The following ATP8A1 variants were observed in gnomAD, a reference collection of about 807,000 sequenced individuals.
The protein encoded by ATP8A1 is ATPase phospholipid transporting 8A1.
In ATP8A1, 90 loss-of-function variants were observed where a neutral mutation model predicts 177.7. The observed-to-expected ratio is 0.51, with a 90% CI of 0.43 to 0.60. The LOEUF (loss-of-function observed/expected upper bound fraction) is 0.60, where lower values mean the gene tolerates loss of function less well. Ranked by LOEUF, ATP8A1 falls within the 20% of genes least tolerant of loss-of-function variation. The probability of loss-of-function intolerance (pLI) is 0.00; values close to 1 mark genes in which losing one functional copy is unlikely to be tolerated. For synonymous variants in ATP8A1, 493 were observed against 485.9 expected (o/e 1.01, Z -0.19); for missense variants, 1,072 against 1,392.8 (o/e 0.77, Z 3.67).
At chr4:42,527,733 A>T (rs948073435) in intron 20 of ATP8A1, among the ~76,000 whole-genome samples, 2 of 151,928 alleles carry the variant, frequency 1.3e-5, no homozygotes, top group African/African-American at 4.9e-5. Context: ...AATTTATATA[A>T]GCAGAAAACT....
At chr4:42,631,212 A>T (rs1334448469) in intron 1 of ATP8A1, among the ~76,000 whole-genome samples, 1 of 152,190 alleles carries the variant, frequency 6.6e-6, no homozygotes, top group Non-Finnish European at 1.5e-5. Flanking sequence ...GTTACCTATT[A>T]TACCTCTGGT....
intron 6 of ATP8A1, among the ~76,000 whole-genome samples, chr4:42,593,808 A>G (rs1391497041): frequency 1.3e-5 from 2 of 152,066 alleles, no homozygotes; most frequent in Non-Finnish European, 2.9e-5. Flanking sequence ...TAAAAGAAAG[A>G]GCAAAGTACT....
At chr4:42,601,389 G>A (rs148965860) in intron 5 of ATP8A1, among the ~76,000 whole-genome samples, 1,176 of 102,576 alleles carry the variant, frequency 0.011, 18 homozygotes, top group African/African-American at 0.03. Context: ...AAAAAAGGCA[G>A]AAGAAGAGGC....
intron 20 of ATP8A1, among the ~76,000 whole-genome samples, chr4:42,542,610 C>A (rs116564275): frequency 9.3e-4 from 141 of 152,056 alleles, no homozygotes; most frequent in Non-Finnish European, 1.5e-3. Context: ...CACCCTGCAA[C>A]GGTGTGTAAT....
At chr4:42,466,031 C>CAAAAAAAAAA (rs57949092) in intron 25 of ATP8A1, among the ~76,000 whole-genome samples, 7 of 108,104 alleles carry the variant, frequency 6.5e-5, no homozygotes, top group African/African-American at 1.2e-4. Flanking sequence ...GACTCCGTCT[C>CAAAAAAAAAA]AAAAAAAAAA....
intron 17 of ATP8A1, 34 bp from the exon 18 acceptor site, chr4:42,551,314 G>T: frequency 6.9e-7 from 1 of 1,453,580 alleles, no homozygotes; most frequent in Non-Finnish European, 9.6e-7. Flanking sequence ...GCAAACACAT[G>T]ATTGAAAAAA....
intron 24 of ATP8A1, among the ~76,000 whole-genome samples, chr4:42,495,933 G>T (rs1279789415): frequency 2.0e-5 from 3 of 152,162 alleles, no homozygotes; most frequent in Admixed American, 2.0e-4. Flanking sequence ...CAGGACGGGG[G>T]TAGATATGGA....
chr4:42,463,472 C>G (rs1425883489), intron 27 of ATP8A1, among the ~76,000 whole-genome samples: 1 of 152,206 alleles, frequency 6.6e-6, no homozygotes, highest in Non-Finnish European at 1.5e-5. Context: ...CCATGTGGAA[C>G]TGTAAGTCCA....
intron 5 of ATP8A1, among the ~76,000 whole-genome samples, chr4:42,611,986 T>C (rs11930785): frequency 0.23 from 34,240 of 151,992 alleles, 4,340 homozygotes; most frequent in Non-Finnish European, 0.29. Context: ...ACAAGGAAAA[T>C]GAGCGCATTC....
chr4:42,525,673 T>C (rs1185569116), intron 20 of ATP8A1, among the ~76,000 whole-genome samples: 1 of 152,262 alleles, frequency 6.6e-6, no homozygotes. Flanking sequence ...AGCTTTGGTT[T>C]AGTGCTTTAA....
chr4:42,612,418 A>G (rs1224793515), intron 5 of ATP8A1, among the ~76,000 whole-genome samples: 1 of 145,624 alleles, frequency 6.9e-6, no homozygotes, highest in Non-Finnish European at 1.5e-5. Flanking sequence ...TAGTGTTCCT[A>G]TCTAGTATGC....
intron 25 of ATP8A1, among the ~76,000 whole-genome samples, chr4:42,466,381 G>A (rs950549263): frequency 1.3e-5 from 2 of 152,104 alleles, no homozygotes; most frequent in African/African-American, 2.4e-5. Flanking sequence ...ATACAACTTT[G>A]TCCATTTTCC....
At chr4:42,451,291 T>C (rs1717903902) in intron 30 of ATP8A1, among the ~76,000 whole-genome samples, 1 of 152,186 alleles carries the variant, frequency 6.6e-6, no homozygotes, top group Non-Finnish European at 1.5e-5. Context: ...GTACTATGTG[T>C]TGTGTTTTTG....
At position 42,567,992 on chromosome 4, in the gene ATP8A1, A is replaced by G. The variant is rs1731525576; in HGVS notation, c.1340+1169T>C. ...AATAGAATTATGTTAATGTTATAGAAAAGCAGATATAGTCGAAATTTTAAC... is the reference window on the plus strand; with the variant it reads ...AATAGAATTATGTTAATGTTATAGAGAAGCAGATATAGTCGAAATTTTAAC... On this transcript the variant is annotated intron_variant, in intron 15 of 36. Coordinates refer to ENST00000381668, the MANE Select transcript of ATP8A1 (RefSeq NM_006095.2). 2.6e-5 allele frequency among the ~76,000 whole-genome samples: 4 copies of G among 152,362 alleles called. No homozygotes were observed. In the South Asian group the frequency reaches 8.3e-4, roughly 32 times the overall value.
chr4:42,646,385 G>A (rs989607763), intron 1 of ATP8A1, among the ~76,000 whole-genome samples: 5 of 152,194 alleles, frequency 3.3e-5, no homozygotes, highest in South Asian at 2.1e-4. Flanking sequence ...AAATGTTGAC[G>A]TTAAAGATTT....
chr4:42,505,553 C>G (rs188061719), intron 23 of ATP8A1, among the ~76,000 whole-genome samples: 1 of 151,920 alleles, frequency 6.6e-6, no homozygotes, highest in Non-Finnish European at 1.5e-5. Flanking sequence ...CTAATAGCAG[C>G]GATAATTTTT....
At chr4:42,632,236 G>A (rs560462222) in intron 1 of ATP8A1, among the ~76,000 whole-genome samples, 2 of 152,188 alleles carry the variant, frequency 1.3e-5, no homozygotes, top group South Asian at 4.1e-4. Flanking sequence ...TCTTAAAAAC[G>A]GTCAGAATCA....
chr4:42,550,657 TG>T (rs1729412178), intron 18 of ATP8A1, among the ~76,000 whole-genome samples: 2 of 152,258 alleles, frequency 1.3e-5, no homozygotes, highest in East Asian at 1.9e-4. Context: ...AGTGGCCAGG[TG>T]CAGTGGTTCA....
At chr4:42,627,360 CG>C (rs1451785911) in intron 1 of ATP8A1, among the ~76,000 whole-genome samples, 1 of 152,144 alleles carries the variant, frequency 6.6e-6, no homozygotes, top group African/African-American at 2.4e-5. Context: ...CCATTTCCCC[CG>C]TAAGTGTTCA....
Sources: gnomAD v4.1 joint callset for allele counts (sites outside exome capture counted in the v4.1 genomes callset) on GRCh38, gnomAD v4.1.1 for gene constraint, MANE v1.5 for transcripts, NCBI Gene and HGNC (gene_info 2026-07-23, HGNC 2026-07-21) for gene names.